KCNIP4: variants seen among roughly 807,000 people sequenced by gnomAD.
KCNIP4 encodes the protein Kv channel-interacting protein 4.
In KCNIP4, 12 loss-of-function variants were observed where a neutral mutation model predicts 34.0. The ratio of observed to expected loss-of-function variants is 0.35; its 90% CI spans 0.23 to 0.57. The LOEUF (loss-of-function observed/expected upper bound fraction) is 0.57, where lower values mean the gene tolerates loss of function less well. Ranked by LOEUF, KCNIP4 falls within the 20% of genes least tolerant of loss-of-function variation. The probability of loss-of-function intolerance (pLI) is 0.83; values close to 1 mark genes in which losing one functional copy is unlikely to be tolerated. For missense variants in KCNIP4, 238 were observed against 311.7 expected (o/e 0.76, Z 1.78); for synonymous variants, 124 against 102.2 (o/e 1.21, Z -1.29).
At chr4:21,721,603 T>C (rs576635616) in intron 1 of KCNIP4, among the ~76,000 whole-genome samples, 1 of 152,332 alleles carries the variant, frequency 6.6e-6, no homozygotes, top group Admixed American at 6.5e-5. Context: ...GGCAAGTATA[T>C]ATCAGAGTTG....
intron 5 of KCNIP4, among the ~76,000 whole-genome samples, chr4:20,736,361 T>C (rs540768092): frequency 6.6e-6 from 1 of 152,322 alleles, no homozygotes; most frequent in African/African-American, 2.4e-5. Context: ...TATTTCTAGG[T>C]ATTTTAATAT....
chr4:21,778,828 T>C (rs991008508), intron 1 of KCNIP4, among the ~76,000 whole-genome samples: 4 of 152,164 alleles, frequency 2.6e-5, no homozygotes, highest in Admixed American at 2.0e-4. Flanking sequence ...AGCTACTCTG[T>C]CTCCAGGCTA....
At chr4:21,463,854 G>A (rs1242436824) in intron 1 of KCNIP4, among the ~76,000 whole-genome samples, 1 of 151,942 alleles carries the variant, frequency 6.6e-6, no homozygotes, top group African/African-American at 2.4e-5. Flanking sequence ...TTAAGTTGTG[G>A]GAAATGTTTT....
intron 1 of KCNIP4, among the ~76,000 whole-genome samples, chr4:20,999,428 TTTG>T (rs1560634189): frequency 0.027 from 959 of 35,646 alleles, 21 homozygotes; most frequent in African/African-American, 0.11. Flanking sequence ...TTTTTTTTTG[TTTG>T]TTTTTTGTTT....
At chr4:21,129,998 A>G (rs766957260) in intron 1 of KCNIP4, among the ~76,000 whole-genome samples, 24 of 152,146 alleles carry the variant, frequency 1.6e-4, no homozygotes, top group Non-Finnish European at 3.2e-4. Context: ...GCTGAACTAT[A>G]AAGTGGCAAG....
At chr4:20,986,386 T>G (rs1193404886) in intron 1 of KCNIP4, among the ~76,000 whole-genome samples, 1 of 152,188 alleles carries the variant, frequency 6.6e-6, no homozygotes, top group Non-Finnish European at 1.5e-5. Flanking sequence ...TCAGCAAGCC[T>G]GTGGCGGGGA....
At chr4:21,753,653 C>T (rs1000738720) in intron 1 of KCNIP4, among the ~76,000 whole-genome samples, 2 of 152,172 alleles carry the variant, frequency 1.3e-5, no homozygotes, top group Non-Finnish European at 2.9e-5. Flanking sequence ...CATTTCCCTC[C>T]ATGTACCCTC....
At chr4:21,098,149 G>A (rs533353757) in intron 1 of KCNIP4, among the ~76,000 whole-genome samples, 1 of 152,272 alleles carries the variant, frequency 6.6e-6, no homozygotes, top group African/African-American at 2.4e-5. Context: ...GAGAAACAAG[G>A]AAGCTACAGA....
intron 5 of KCNIP4, among the ~76,000 whole-genome samples, chr4:20,741,249 C>A (rs1351000965): frequency 6.6e-6 from 1 of 152,190 alleles, no homozygotes; most frequent in Non-Finnish European, 1.5e-5. Flanking sequence ...ACTCTCCACC[C>A]CAAATCAACA....
intron 1 of KCNIP4, among the ~76,000 whole-genome samples, chr4:21,724,989 A>G (rs1200199147): frequency 6.6e-6 from 1 of 152,122 alleles, no homozygotes; most frequent in Non-Finnish European, 1.5e-5. Context: ...GTTGCTTTGT[A>G]AACACTTTAG....
intron 3 of KCNIP4, among the ~76,000 whole-genome samples, chr4:20,812,953 G>A (rs1715954444): frequency 1.4e-5 from 2 of 147,494 alleles, no homozygotes; most frequent in Admixed American, 1.4e-4. Context: ...GTGTGTGTGT[G>A]TAATCAAACA....
chr4:21,193,823 G>C (rs893954512), intron 1 of KCNIP4, among the ~76,000 whole-genome samples: 1 of 151,952 alleles, frequency 6.6e-6, no homozygotes, highest in African/African-American at 2.4e-5. Context: ...CACCCACCTC[G>C]GCCTCCCAAA....
chr4:21,755,877 G>A (rs867840618), intron 1 of KCNIP4, among the ~76,000 whole-genome samples: 2 of 152,276 alleles, frequency 1.3e-5, no homozygotes, highest in Middle Eastern at 3.4e-3. Flanking sequence ...TGCTGATAGG[G>A]CAGTAATGAT....
chr4:21,416,672 T>A (rs1486931158), intron 1 of KCNIP4, among the ~76,000 whole-genome samples: 2 of 152,316 alleles, frequency 1.3e-5, no homozygotes, highest in East Asian at 3.9e-4. Flanking sequence ...AATATAAGCT[T>A]GCACACAAGC....
intron 1 of KCNIP4, among the ~76,000 whole-genome samples, chr4:21,367,131 C>A (rs1488751725): frequency 6.6e-6 from 1 of 152,160 alleles, no homozygotes; most frequent in East Asian, 1.9e-4. Context: ...GACACTGAAT[C>A]TGCTGGCATC....
intron 1 of KCNIP4, among the ~76,000 whole-genome samples, chr4:21,168,470 A>G (rs1282293766): frequency 4.6e-5 from 7 of 152,202 alleles, no homozygotes; most frequent in Non-Finnish European, 1.0e-4. Context: ...ACAGGTATGC[A>G]GATTCTTTCT....
rs763686393 is a variant in KCNIP4, at chr4:21,697,432, A to G, written c.61+251139T>C. The G allele has an allele frequency of 6.4e-6, 10 of 1,561,678 alleles. No homozygotes were observed. The Admixed American group carries it at 2.1e-4, about 33-fold the overall frequency. ...CACGTTTACACCGCTTTCTACAGCC[A>G]CTCATCTTAAGCAACAAGGTATTCC... On this transcript the variant is annotated intron_variant, in intron 1 of 8. Coordinates refer to ENST00000382152, the MANE Select transcript of KCNIP4 (RefSeq NM_025221.6).
chr4:21,644,560 T>C (rs1379987834), intron 1 of KCNIP4, among the ~76,000 whole-genome samples: 1 of 152,132 alleles, frequency 6.6e-6, no homozygotes, highest in African/African-American at 2.4e-5. Context: ...AAGGGGTAAG[T>C]CCATATTCGA....
chr4:21,931,564 C>T (rs970808346), intron 1 of KCNIP4, among the ~76,000 whole-genome samples: 36 of 151,746 alleles, frequency 2.4e-4, no homozygotes, highest in Admixed American at 3.9e-4. Context: ...TGATGGTTTC[C>T]AGCTTCATCC....
Sources: gnomAD v4.1 joint callset for allele counts (sites outside exome capture counted in the v4.1 genomes callset) on GRCh38, gnomAD v4.1.1 for gene constraint, MANE v1.5 for transcripts, NCBI Gene and HGNC (gene_info 2026-07-23, HGNC 2026-07-21) for gene names.